Variants in HMOX2 observed in about 807,000 individuals in gnomAD.
HMOX2 encodes heme oxygenase 2, also known as heme oxygenase (decycling) 2.
Under a neutral mutation model 33.7 loss-of-function variants are expected in HMOX2, and 30 were observed. That is an observed-to-expected ratio of 0.89 (90% CI 0.67 to 1.21). The LOEUF (loss-of-function observed/expected upper bound fraction) is 1.21, where lower values mean the gene tolerates loss of function less well. HMOX2 is among the 50% of genes most tolerant of loss of function. The pLI is 0.00. For synonymous variants in HMOX2, 155 were observed against 155.0 expected (o/e 1.00, Z 0.00); for missense variants, 403 against 399.1 (o/e 1.01, Z -0.08).
chr16:4,485,015 G>T (rs896539756), intron 1 of HMOX2, among the ~76,000 whole-genome samples: 1 of 151,964 alleles, frequency 6.6e-6, no homozygotes, highest in Non-Finnish European at 1.5e-5. Flanking sequence ...ACCGAGGCTG[G>T]AGTGCAGTGG....
intron 1 of HMOX2, among the ~76,000 whole-genome samples, chr16:4,481,479 T>A (rs564814577): frequency 6.6e-6 from 1 of 152,300 alleles, no homozygotes; most frequent in East Asian, 1.9e-4. Flanking sequence ...GAAACACCTG[T>A]CATTGAGCAT....
intron 1 of HMOX2, among the ~76,000 whole-genome samples, chr16:4,486,331 C>G (rs1433344438): frequency 6.6e-6 from 1 of 152,176 alleles, no homozygotes; most frequent in Non-Finnish European, 1.5e-5. Flanking sequence ...AGCGTGTCCC[C>G]ATGTGTAGGC....
intron 1 of HMOX2, among the ~76,000 whole-genome samples, chr16:4,489,159 G>A (rs1041455174): frequency 6.6e-6 from 1 of 152,080 alleles, no homozygotes; most frequent in African/African-American, 2.4e-5. Flanking sequence ...TCATATCTGT[G>A]GAATGTAAGG....
intron 1 of HMOX2, among the ~76,000 whole-genome samples, chr16:4,484,796 A>G (rs1480164659): frequency 6.6e-6 from 1 of 152,198 alleles, no homozygotes; most frequent in African/African-American, 2.4e-5. Flanking sequence ...TAGAATTTGC[A>G]TATAACCTAT....
intron 1 of HMOX2, among the ~76,000 whole-genome samples, chr16:4,477,102 T>G (rs1190806656): frequency 6.6e-6 from 1 of 152,138 alleles, no homozygotes; most frequent in African/African-American, 2.4e-5. Context: ...CGGGTTTACC[T>G]ATTACTTTCT....
chr16:4,504,509 C>T (rs557592987), intron 1 of HMOX2, among the ~76,000 whole-genome samples: 6 of 150,318 alleles, frequency 4.0e-5, no homozygotes, highest in African/African-American at 7.3e-5. Flanking sequence ...TACAGGCACG[C>T]GCCACCACAT....
upstream of HMOX2, among the ~76,000 whole-genome samples, chr16:4,475,476 AT>A (rs1317000868): frequency 6.7e-6 from 1 of 149,888 alleles, no homozygotes; most frequent in Non-Finnish European, 1.5e-5. Flanking sequence ...CCCGGCTAAA[AT>A]TTTTTTGTAT....
In HMOX2 at chr16:4,506,757, G is replaced by A. The variant is rs17878340; in HGVS notation, c.87-138G>A. ...ACAAGTTGCTGCTATTTGTGTTGGA[G>A]TGAAGTGTCTGAGAAGCCCCAGCCT... is the stretch of plus-strand genomic sequence containing the variant. On this transcript the variant is annotated intron_variant, in intron 2 of 5. Coordinates refer to ENST00000570646, the MANE Select transcript of HMOX2 (RefSeq NM_002134.4). 6.6e-4 allele frequency: 443 copies of A among 674,590 alleles called. 1 individual carries two copies. Among genetic ancestry groups the A allele is most frequent in the Middle Eastern group, 3.2e-3 (9 of 2,782 alleles). The allele number at this position is 674,590 out of a possible 1,614,324, so 41.8% of individuals were successfully genotyped here.
At chr16:4,487,041 G>C (rs2058185834) in intron 1 of HMOX2, among the ~76,000 whole-genome samples, 1 of 152,054 alleles carries the variant, frequency 6.6e-6, no homozygotes, top group South Asian at 2.1e-4. Flanking sequence ...AAGATTGCTT[G>C]AGCCCAGGAG....
chr16:4,505,326 T>C (rs2058663102), intron 1 of HMOX2, among the ~76,000 whole-genome samples, 158 bp from the exon 2 acceptor site: 1 of 152,236 alleles, frequency 6.6e-6, no homozygotes, highest in African/African-American at 2.4e-5. Flanking sequence ...TATTCCACTA[T>C]GGTCCCAGTA....
intron 1 of HMOX2, 121 bp from the exon 2 acceptor site, chr16:4,505,360 AAAC>A: frequency 1.9e-6 from 1 of 532,394 alleles, no homozygotes; most frequent in Non-Finnish European, 3.4e-6. Context: ...ATTTTAAAGA[AAAC>A]AATCCTGGGG....
chr16:4,503,980 T>C (rs544074313), intron 1 of HMOX2, among the ~76,000 whole-genome samples: 4 of 152,374 alleles, frequency 2.6e-5, no homozygotes, highest in African/African-American at 9.6e-5. Context: ...TGTGCTGCTA[T>C]TCATGTGGAA....
intron 1 of HMOX2, among the ~76,000 whole-genome samples, chr16:4,502,009 C>T (rs950239553): frequency 2.6e-5 from 4 of 152,154 alleles, no homozygotes; most frequent in Admixed American, 1.3e-4. Flanking sequence ...AAAGTAAAAT[C>T]GGTAGAACCT....
chr16:4,503,259 T>C lies in HMOX2; in HGVS notation c.-41-2225T>C, dbSNP rs191219115. On this transcript the variant is annotated intron_variant, in intron 1 of 5. Transcript: ENST00000570646. The stretch of plus-strand genomic sequence containing the variant: ...CGCACAGCTGGGCAGCCTTATGCTA[T>C]CTCTGTGAACTACCCATTTCTGGCT... 1.8e-4 allele frequency among the ~76,000 whole-genome samples: 27 copies of C among 152,306 alleles called. 1 individual carries two copies. The highest frequency in any genetic ancestry group is 6.3e-4 in the African/African-American group (26 of 41,566).
chr16:4,507,860 G>A lies in HMOX2; in HGVS notation c.352G>A (p.Gly118Ser). 1 of 1,614,188 alleles carries A rather than the reference G, an allele frequency of 6.2e-7. No individual in the cohort carries two copies. The highest frequency in any genetic ancestry group is 1.1e-5 in the South Asian group (1 of 91,082). ...ALTKDMEYFF[G>S]ENWEEQVQCP... is the part of the protein sequence containing the mutation. ...GACCAAGGACATGGAGTATTTCTTTGGTGAAAACTGGGAGGAGCAGGTGCA... is the reference window on the plus strand; with the variant it reads ...GACCAAGGACATGGAGTATTTCTTTAGTGAAAACTGGGAGGAGCAGGTGCA... The change falls in exon 4 of 6, where the codon GGT becomes AGT. Residue 118 changes from glycine (G) to serine (S), a missense_variant. Gly to Ser is a moderately conservative substitution (Grantham distance 56, BLOSUM62 0). Coordinates refer to ENST00000570646, the MANE Select transcript of HMOX2 (RefSeq NM_002134.4).
At position 4,509,831 on chromosome 16, in the gene HMOX2, A is replaced by C. The variant is rs1429162129; in HGVS notation, c.*75A>C. 6.7e-7 allele frequency: 1 copy of C among 1,497,192 alleles called. No individual in the cohort carries two copies. The highest frequency in any genetic ancestry group is 2.1e-5 in the Admixed American group (1 of 47,222). 92.7% of individuals were successfully genotyped at this position (1,497,192 alleles called of 1,614,324 possible). On this transcript the variant is annotated 3_prime_UTR_variant, in exon 6 of 6. Coordinates refer to ENST00000570646, the MANE Select transcript of HMOX2 (RefSeq NM_002134.4). ...TACCCCTTTCTCCAGCCCTGACTAA[A>C]CTACCACCTCAGGTGACTTTTTAAA... is the stretch of plus-strand genomic sequence containing the variant.
intron 1 of HMOX2, among the ~76,000 whole-genome samples, chr16:4,479,726 A>ATTTTTTTTTTTTTTTTTTT (rs58936845): frequency 1.3e-5 from 1 of 79,876 alleles, no homozygotes; most frequent in Non-Finnish European, 2.3e-5. Flanking sequence ...TTCTTATTCT[A>ATTTTTTTTTTTTTTTTTTT]TTTTTTTTTT....
At chr16:4,508,245 A>G in intron 4 of HMOX2, 41 bp downstream of exon 4, 2 of 1,559,534 alleles carry the variant, frequency 1.3e-6, no homozygotes, top group Non-Finnish European at 8.7e-7. Flanking sequence ...TGAAGAGGGA[A>G]ACTTTGACAG....
Position 4,509,459 on chromosome 16 carries a change from C to T in HMOX2, c.744C>T (p.Thr248=), listed in dbSNP as rs1347092076. 1.9e-6 allele frequency: 3 copies of T among 1,614,044 alleles called. No homozygotes were observed. The change falls in exon 5 of 6, where the codon ACC becomes ACT. Residue 248 remains threonine, a synonymous_variant. Coordinates refer to ENST00000570646, the MANE Select transcript of HMOX2 (RefSeq NM_002134.4). ...CCGGCTCCACACTGGCCAGAGAGAC[C>T]TTGGAGGATGGGTTCCCTGTACACG... The part of the protein sequence containing the change: ...DQAGSTLARE[T]LEDGFPVHDG...
Sources: gnomAD v4.1 joint callset for allele counts (sites outside exome capture counted in the v4.1 genomes callset) on GRCh38, gnomAD v4.1.1 for gene constraint, MANE v1.5 for transcripts, NCBI Gene and HGNC (gene_info 2026-07-23, HGNC 2026-07-21) for gene names.